FGFR2: variants seen among roughly 807,000 people sequenced by gnomAD.
FGFR2 encodes the protein fibroblast growth factor receptor 2.
Under a neutral mutation model 95.9 loss-of-function variants are expected in FGFR2, and 19 were observed. That is an observed-to-expected ratio of 0.20 (90% CI 0.14 to 0.29). The LOEUF is 0.29. Among genes scored for constraint, FGFR2 ranks in the 10% least tolerant of loss-of-function variants. The pLI is 1.00. For missense variants in FGFR2, 707 were observed against 1,056.9 expected, an observed-to-expected ratio of 0.67 and a Z score of 4.59; for synonymous variants, 392 against 393.3, an observed-to-expected ratio of 1.00 and a Z score of 0.04.
rs540107926 is a variant in FGFR2 at position 121,526,104 on chromosome 10, G to A, written c.749-5935C>T. On this transcript the variant is annotated intron_variant, in intron 6 of 17. Transcript: ENST00000358487. ...TCAGGCCCCCATTCATGTAAGGAGC[G>A]TGGATAACCTCGCTTGCTCTGTCTT... 3.8e-5 allele frequency: 15 copies of A among 398,438 alleles called. No homozygotes were observed. In the South Asian group the frequency reaches 5.1e-4, roughly 14 times the overall value. 24.7% of individuals were successfully genotyped at this position (398,438 alleles called of 1,614,324 possible).
intron 6 of FGFR2, chr10:121,526,168 T>C: frequency 5.0e-6 from 2 of 398,612 alleles, no homozygotes; most frequent in Non-Finnish European, 8.8e-6. Flanking sequence ...TCCTCCAAAA[T>C]GGCAGTCTCT....
chr10:121,576,095 G>A (rs1262774646), intron 2 of FGFR2, among the ~76,000 whole-genome samples: 1 of 152,118 alleles, frequency 6.6e-6, no homozygotes. Context: ...GGTGAGGCAG[G>A]AGAATCGCTT....
intron 16 of FGFR2, among the ~76,000 whole-genome samples, 183 bp from the exon 17 acceptor site, chr10:121,483,986 G>A (rs796641135): frequency 4.3e-4 from 66 of 152,048 alleles, no homozygotes; most frequent in African/African-American, 1.5e-3. Context: ...TCCTCCGAAA[G>A]GCACTTTGAC....
At chr10:121,507,828 G>C (rs1230493068) in intron 9 of FGFR2, among the ~76,000 whole-genome samples, 1 of 152,136 alleles carries the variant, frequency 6.6e-6, no homozygotes, top group Non-Finnish European at 1.5e-5. Flanking sequence ...TGGAGCCTAG[G>C]GTGGTTCTGT....
intron 4 of FGFR2, among the ~76,000 whole-genome samples, chr10:121,556,604 G>A (rs1242133913): frequency 1.3e-5 from 2 of 152,128 alleles, no homozygotes; most frequent in South Asian, 2.1e-4. Context: ...GCCAGAGGCC[G>A]GGCTGAGGCC....
chr10:121,597,692 T>G (rs992219813), intron 1 of FGFR2, among the ~76,000 whole-genome samples: 7 of 152,200 alleles, frequency 4.6e-5, no homozygotes, highest in African/African-American at 1.7e-4. Context: ...CCGCCAGGGT[T>G]TGACAGGGAG....
intron 6 of FGFR2, among the ~76,000 whole-genome samples, chr10:121,528,239 T>A (rs1564933014): frequency 6.6e-6 from 1 of 152,184 alleles, no homozygotes; most frequent in South Asian, 2.1e-4. Context: ...CCTTTACAAA[T>A]CTGTCCTAGA....
chr10:121,566,746 C>G (rs549189478), intron 2 of FGFR2, among the ~76,000 whole-genome samples: 48 of 152,144 alleles, frequency 3.2e-4, no homozygotes, highest in Middle Eastern at 3.4e-3. Context: ...ACGGAGACAC[C>G]AAGACCCTAG....
rs1470189770 is a variant in FGFR2, at chr10:121,517,537, AG to A, written c.940-75del. 49 of 1,588,656 alleles carry A rather than the reference AG, an allele frequency of 3.1e-5. No individual in the cohort carries two copies. Among genetic ancestry groups the A allele is most frequent in the Non-Finnish European group, 1.5e-5 (17 of 1,160,100 alleles). On this transcript the variant is annotated intron_variant, in intron 7 of 17. Transcript: ENST00000358487. This position sits in a 1 kb window ranked among gnomAD's most constrained non-coding sequence, Gnocchi z 4.7. ...TTGTGGAGGGGGCTGTGGAACCACA[AG>A]GCGTCGCACCGGGGGCTTCAGGGGG...
At chr10:121,486,362 T>C (rs1845401652) in intron 15 of FGFR2, among the ~76,000 whole-genome samples, 1 of 152,164 alleles carries the variant, frequency 6.6e-6, no homozygotes, top group Non-Finnish European at 1.5e-5. Flanking sequence ...TTTTTTAGGA[T>C]TGTTGAGAGG....
intron 4 of FGFR2, among the ~76,000 whole-genome samples, chr10:121,557,211 G>A (rs1411100938): frequency 6.6e-6 from 1 of 152,228 alleles, no homozygotes; most frequent in Non-Finnish European, 1.5e-5. Context: ...CCAATCATTG[G>A]CTATGCTGTT....
intron 2 of FGFR2, among the ~76,000 whole-genome samples, chr10:121,571,284 C>T (rs34152524): frequency 0.29 from 39,887 of 136,006 alleles, 5,814 homozygotes; most frequent in Admixed American, 0.35. Flanking sequence ...CGTGAGCCAC[C>T]GTGCCTGGCC....
chr10:121,509,421 GT>G (rs199565234), intron 9 of FGFR2, among the ~76,000 whole-genome samples: 14,129 of 126,804 alleles, frequency 0.11, 938 homozygotes, highest in Middle Eastern at 0.22. Context: ...GTGAGGAAGT[GT>G]TTTTTTTTTT....
intron 6 of FGFR2, among the ~76,000 whole-genome samples, chr10:121,521,469 C>T (rs942372470): frequency 1.3e-5 from 2 of 152,084 alleles, no homozygotes; most frequent in Non-Finnish European, 2.9e-5. Flanking sequence ...TAAGTAATAC[C>T]CATGGAAAAA....
At chr10:121,537,761 G>C (rs1302559730) in intron 6 of FGFR2, among the ~76,000 whole-genome samples, 1 of 152,136 alleles carries the variant, frequency 6.6e-6, no homozygotes, top group Non-Finnish European at 1.5e-5. Flanking sequence ...CAAGGCACAT[G>C]ACAGGAAAGA....
intron 1 of FGFR2, 99 bp downstream of exon 1, chr10:121,597,863 C>A (rs1386737535): frequency 2.6e-5 from 10 of 379,012 alleles, no homozygotes. Context: ...TCCTTCCGCG[C>A]CCCCCGCCCG....
intron 4 of FGFR2, among the ~76,000 whole-genome samples, chr10:121,555,132 G>A (rs1352876342): frequency 6.6e-6 from 1 of 152,162 alleles, no homozygotes; most frequent in Non-Finnish European, 1.5e-5. Context: ...CCAGCCTTTG[G>A]GAGGCCGAGG....
chr10:121,483,841 C>T, intron 16 of FGFR2, 38 bp from the exon 17 acceptor site: 1 of 1,481,968 alleles, frequency 6.7e-7, no homozygotes, highest in Non-Finnish European at 9.4e-7. Flanking sequence ...ATTTCATATG[C>T]ACTGGGTACG....
intron 9 of FGFR2, among the ~76,000 whole-genome samples, chr10:121,510,302 G>C (rs571845065): frequency 1.7e-4 from 26 of 152,266 alleles, no homozygotes; most frequent in African/African-American, 5.8e-4. Context: ...TCGAGAGATC[G>C]CATCAGCCAA....
Sources: gnomAD v4.1 joint callset for allele counts (sites outside exome capture counted in the v4.1 genomes callset) on GRCh38, gnomAD v4.1.1 for gene constraint, Gnocchi (gnomAD v3.1) non-coding constraint, MANE v1.5 for transcripts, NCBI Gene and HGNC (gene_info 2026-07-23, HGNC 2026-07-21) for gene names.